PLXDC2: variants seen among roughly 807,000 people sequenced by gnomAD.
PLXDC2 encodes plexin domain containing 2, also known as plexin domain-containing protein 2.
Under a neutral mutation model 68.9 loss-of-function variants are expected in PLXDC2, and 40 were observed. The ratio of observed to expected loss-of-function variants is 0.58; its 90% CI spans 0.45 to 0.76. The LOEUF (loss-of-function observed/expected upper bound fraction) is 0.76. Ranked by LOEUF, PLXDC2 falls within the 30% of genes least tolerant of loss-of-function variation. The pLI, the probability that PLXDC2 is intolerant of heterozygous loss-of-function variation, is 0.00. For synonymous variants in PLXDC2, 243 were observed against 234.2 expected, an observed-to-expected ratio of 1.04 and a Z score of -0.34; for missense variants, 644 against 661.9, an observed-to-expected ratio of 0.97 and a Z score of 0.30.
chr10:19,824,298 G>A (rs1187224874), intron 1 of PLXDC2, among the ~76,000 whole-genome samples: 1 of 152,110 alleles, frequency 6.6e-6, no homozygotes, highest in Non-Finnish European at 1.5e-5. Flanking sequence ...CCTCCAACAA[G>A]CATATAAACC....
At chr10:20,244,853 C>A (rs758060878) in intron 12 of PLXDC2, among the ~76,000 whole-genome samples, 1 of 152,212 alleles carries the variant, frequency 6.6e-6, no homozygotes, top group Non-Finnish European at 1.5e-5. Context: ...CGGTGGCTCA[C>A]GCCTGTAATC....
chr10:20,122,524 G>A lies in PLXDC2; in HGVS notation c.542-20771G>A, dbSNP rs558890098. ...GGCTGCCAGGTGAGTTGGACAGTCC[G>A]ATTTCCAGTGGAGTCCCGCACAGAT... On this transcript the variant is annotated intron_variant, in intron 4 of 13. Coordinates refer to ENST00000377252, the MANE Select transcript of PLXDC2 (RefSeq NM_032812.9). Among the ~76,000 whole-genome samples the A allele has an allele frequency of 3.3e-5, 5 of 152,316 alleles. No homozygotes were observed. The East Asian group carries it at 5.8e-4, about 18-fold the overall frequency.
intron 3 of PLXDC2, among the ~76,000 whole-genome samples, chr10:20,058,799 T>A (rs1447604423): frequency 6.6e-6 from 1 of 152,180 alleles, no homozygotes; most frequent in African/African-American, 2.4e-5. Flanking sequence ...TTAAAGACAC[T>A]TGTCTAGCAG....
chr10:19,890,615 T>C (rs1003299426), intron 1 of PLXDC2, among the ~76,000 whole-genome samples: 1 of 147,552 alleles, frequency 6.8e-6, no homozygotes, highest in Admixed American at 6.8e-5. Context: ...GACCTCGTGA[T>C]CCACCCGCCT....
At chr10:20,198,523 T>G (rs10827994) in intron 9 of PLXDC2, among the ~76,000 whole-genome samples, 107,864 of 151,890 alleles carry the variant, frequency 0.71, 38,799 homozygotes, top group East Asian at 0.9. Flanking sequence ...AGAAATGTCT[T>G]CAACTTTTAA....
intron 13 of PLXDC2, among the ~76,000 whole-genome samples, chr10:20,249,524 C>A (rs1835643313): frequency 6.6e-6 from 1 of 152,148 alleles, no homozygotes. Flanking sequence ...GGTTTCTTCT[C>A]ATATCATTCC....
chr10:20,061,401 G>C (rs1836100456), intron 3 of PLXDC2, among the ~76,000 whole-genome samples: 1 of 152,174 alleles, frequency 6.6e-6, no homozygotes, highest in South Asian at 2.1e-4. Context: ...GTAGGTCTCT[G>C]TTTTTGGCAA....
At chr10:20,178,473 C>G (rs1005831294) in intron 9 of PLXDC2, among the ~76,000 whole-genome samples, 1 of 152,060 alleles carries the variant, frequency 6.6e-6, no homozygotes, top group Non-Finnish European at 1.5e-5. Flanking sequence ...TACAGTCTGC[C>G]TGAGAATAAG....
intron 11 of PLXDC2, among the ~76,000 whole-genome samples, chr10:20,218,381 A>G (rs1328696641): frequency 2.0e-5 from 3 of 152,166 alleles, no homozygotes; most frequent in Non-Finnish European, 4.4e-5. Context: ...GGTGAACTGG[A>G]ATAAAGTGGG....
chr10:19,982,849 T>C (rs1834575789), intron 1 of PLXDC2, among the ~76,000 whole-genome samples: 1 of 152,162 alleles, frequency 6.6e-6, no homozygotes. Context: ...TGAGGGGACA[T>C]TGAATCATTA....
rs1833528119 is a variant in PLXDC2, at chr10:20,109,232, T to C, written c.542-34063T>C. 2.0e-5 allele frequency among the ~76,000 whole-genome samples: 3 copies of C among 152,238 alleles called. 1 individual carries two copies. In the South Asian group the frequency reaches 6.2e-4, roughly 31 times the overall value. Reference sequence around the variant, plus strand: ...ATATCAAGATGAGTTTTCACCCTCTTGTTGCCAGGAGGCATTTAGCAGTAG... The same window carrying C: ...ATATCAAGATGAGTTTTCACCCTCTCGTTGCCAGGAGGCATTTAGCAGTAG... On this transcript the variant is annotated intron_variant, in intron 4 of 13. Transcript: ENST00000377252.
chr10:20,118,540 C>T (rs758338504), intron 4 of PLXDC2, among the ~76,000 whole-genome samples: 6 of 152,136 alleles, frequency 3.9e-5, no homozygotes, highest in African/African-American at 4.8e-5. Flanking sequence ...CTGATAGGAG[C>T]GGCACTGCAC....
intron 9 of PLXDC2, among the ~76,000 whole-genome samples, chr10:20,198,307 G>A (rs538424488): frequency 2.0e-5 from 3 of 152,070 alleles, no homozygotes; most frequent in African/African-American, 4.8e-5. Context: ...TGTTCTTTGC[G>A]TTTCACTCTC....
chr10:20,141,162 T>C (rs539229046), intron 4 of PLXDC2, among the ~76,000 whole-genome samples: 1 of 152,154 alleles, frequency 6.6e-6, no homozygotes, highest in Non-Finnish European at 1.5e-5. Context: ...TTGGGAAACA[T>C]TTTCCCGATC....
chr10:20,257,568 G>C (rs1835757749), intron 13 of PLXDC2, among the ~76,000 whole-genome samples: 1 of 152,190 alleles, frequency 6.6e-6, no homozygotes, highest in Non-Finnish European at 1.5e-5. Context: ...GTAGTATTGG[G>C]TAATGTCTCA....
intron 4 of PLXDC2, among the ~76,000 whole-genome samples, chr10:20,104,774 C>T (rs570049042): frequency 6.0e-4 from 91 of 152,080 alleles, no homozygotes; most frequent in Non-Finnish European, 1.1e-3. Flanking sequence ...CAGATCAGGC[C>T]GGGTGTGGTG....
chr10:20,187,023 G>C (rs1481092135), intron 9 of PLXDC2, among the ~76,000 whole-genome samples: 1 of 151,788 alleles, frequency 6.6e-6, no homozygotes, highest in African/African-American at 2.4e-5. Context: ...GGTACCTGAG[G>C]TTGAGGAGCA....
chr10:20,182,073 G>T (rs1258844544), intron 9 of PLXDC2, among the ~76,000 whole-genome samples: 4 of 145,950 alleles, frequency 2.7e-5, no homozygotes, highest in Non-Finnish European at 4.5e-5. Flanking sequence ...CCGGTTATTT[G>T]TGTGTGTGTG....
At chr10:20,019,409 C>T (rs929196818) in intron 2 of PLXDC2, among the ~76,000 whole-genome samples, 3 of 152,130 alleles carry the variant, frequency 2.0e-5, no homozygotes, top group East Asian at 1.9e-4. Flanking sequence ...CCCTGCACCC[C>T]GACATTGCAC....
Sources: allele counts gnomAD v4.1 joint callset (sites outside exome capture counted in the v4.1 genomes callset), GRCh38; gene constraint gnomAD v4.1.1; transcripts MANE v1.5; gene names NCBI Gene and HGNC (gene_info 2026-07-23, HGNC 2026-07-21).